MICAL3: variants seen among roughly 807,000 people sequenced by gnomAD.
The protein encoded by MICAL3 is microtubule associated monooxygenase, calponin and LIM domain containing 3, also known as [F-actin]-monooxygenase MICAL3.
Under a neutral mutation model 207.4 loss-of-function variants are expected in MICAL3, and 62 were observed. The observed-to-expected ratio is 0.30, with a 90% CI of 0.24 to 0.37. The LOEUF is 0.37. Among genes scored for constraint, MICAL3 ranks in the 10% least tolerant of loss-of-function variants. The pLI, the probability that MICAL3 is intolerant of heterozygous loss-of-function variation, is 1.00. For synonymous variants in MICAL3, 1,077 were observed against 1,069.3 expected, an observed-to-expected ratio of 1.01 and a Z score of -0.14; for missense variants, 2,368 against 2,635.6, an observed-to-expected ratio of 0.90 and a Z score of 2.22.
At chr22:17,945,016 T>G (rs915213155) in intron 1 of MICAL3, among the ~76,000 whole-genome samples, 15 of 151,814 alleles carry the variant, frequency 9.9e-5, no homozygotes, top group Admixed American at 2.0e-4. Flanking sequence ...ACCTTTTTTT[T>G]TTTTTTTTTC....
intron 27 of MICAL3, chr22:17,815,535 A>G (rs2062095703): frequency 6.6e-6 from 1 of 152,304 alleles, no homozygotes; most frequent in South Asian, 2.1e-4. Flanking sequence ...GCAACTGGGA[A>G]AGCTCGACTG....
In MICAL3 at chr22:17,900,991, C is replaced by T. The variant is rs770188717; in HGVS notation, c.698G>A (p.Arg233His). ...CAGTTTGCCACGGAATTCTTTCCGA[C>T]GAAACCCTGGAGGGAAATAAATTTT... ...DGRRNTLEGF[R>H]RKEFRGKLAI... Residue 233 changes from arginine to histidine, a missense_variant, in exon 6 of 32, where the codon CGT (arginine) becomes CAT (histidine). Around this residue, in one of 4 missense-constraint regions of MICAL3, gnomAD observed 400 missense variants for 547.0 expected, o/e 0.73. Transcript: ENST00000441493. This position sits in a 1 kb window ranked among gnomAD's most constrained non-coding sequence, Gnocchi z 4.0. The T allele has an allele frequency of 8.7e-6, 14 of 1,613,868 alleles. No individual in the cohort carries two copies. Among genetic ancestry groups the T allele is most frequent in the Admixed American group, 1.7e-5 (1 of 60,022 alleles).
intron 1 of MICAL3, among the ~76,000 whole-genome samples, chr22:17,938,793 C>T (rs904706541): frequency 6.6e-5 from 10 of 152,144 alleles, no homozygotes; most frequent in Non-Finnish European, 1.3e-4. Context: ...TCATTCAGCA[C>T]GTGCAGCAAA....
chr22:17,959,749 A>G lies in MICAL3; in HGVS notation c.-74-52863T>C, dbSNP rs190707328. On this transcript the variant is annotated intron_variant, in intron 1 of 31. Transcript: ENST00000441493. ...TTGTTAGTAAAGAATTAAGTAGGTT[A>G]GGGAAATAGATAGCTCTCCCTGCCC... Among the ~76,000 whole-genome samples, 8 of 152,302 alleles carry G rather than the reference A, an allele frequency of 5.3e-5. No homozygotes were observed. The East Asian group carries it at 1.5e-3, about 29-fold the overall frequency.
intron 1 of MICAL3, among the ~76,000 whole-genome samples, chr22:18,008,823 G>A (rs447488): frequency 0.18 from 27,466 of 151,428 alleles, 2,721 homozygotes; most frequent in Middle Eastern, 0.27. Flanking sequence ...CCGTAGTCCC[G>A]GCACTTTGGG....
chr22:18,015,813 A>T lies in MICAL3; in HGVS notation c.-75+8468T>A, dbSNP rs151309025. ...GTTCCTTTTATCAAAAGTATTTTCC[A>T]TGTTTCTTTCTACATGCCTCTTGAT... On this transcript the variant is annotated intron_variant, in intron 1 of 31. Coordinates refer to ENST00000441493, the MANE Select transcript of MICAL3 (RefSeq NM_015241.3). 5.8e-4 allele frequency among the ~76,000 whole-genome samples: 88 copies of T among 152,168 alleles called. 1 individual carries two copies. In the East Asian group the frequency reaches 0.016, roughly 27 times the overall value.
chr22:17,955,456 G>A (rs557878973), intron 1 of MICAL3, among the ~76,000 whole-genome samples: 2 of 152,320 alleles, frequency 1.3e-5, no homozygotes, highest in South Asian at 2.1e-4. Context: ...AGGAGGGGAT[G>A]TAGCTATCAG....
rs145356624 is a variant in MICAL3, at chr22:17,827,505, C to T, written c.3193+139G>A. Reference sequence around the variant, plus strand: ...AAAGTACAGGTGTCACAACTGACAGCAGCAAAGCGGGATGCGCCTGGCTCC... The same window carrying T: ...AAAGTACAGGTGTCACAACTGACAGTAGCAAAGCGGGATGCGCCTGGCTCC... On this transcript the variant is annotated intron_variant, in intron 22 of 31. Transcript: ENST00000441493. 2.8e-4 allele frequency: 228 copies of T among 826,288 alleles called. No homozygotes were observed. In the African/African-American group the frequency reaches 3.5e-3, roughly 13 times the overall value. The allele number at this position is 826,288 out of a possible 1,614,324, so 51.2% of individuals were successfully genotyped here.
At chr22:17,998,795 C>T (rs970018559) in intron 1 of MICAL3, among the ~76,000 whole-genome samples, 5 of 151,994 alleles carry the variant, frequency 3.3e-5, no homozygotes, top group African/African-American at 1.2e-4. Context: ...CCTCGTGATC[C>T]GCCCGCCTGG....
Position 17,954,838 on chromosome 22 carries a change from C to A in MICAL3, c.-74-47952G>T, listed in dbSNP as rs141217089. ...CTCAGCTCACAGCAACCTCGCCCTC[C>A]CGGGTTCAAGCAATTTCTGGGATTA... On this transcript the variant is annotated intron_variant, in intron 1 of 31. Transcript: ENST00000441493. Among the ~76,000 whole-genome samples the A allele has an allele frequency of 5.1e-4, 77 of 152,128 alleles. 1 individual carries two copies. In the East Asian group the frequency reaches 0.012, roughly 23 times the overall value.
chr22:17,804,531 C>T (rs1427736252), intron 29 of MICAL3, among the ~76,000 whole-genome samples: 3 of 152,236 alleles, frequency 2.0e-5, no homozygotes, highest in South Asian at 2.1e-4. Context: ...CCCAGGCACT[C>T]GGCCGAAGGC....
intron 1 of MICAL3, among the ~76,000 whole-genome samples, chr22:18,020,839 G>A (rs1427448407): frequency 1.3e-5 from 2 of 151,544 alleles, no homozygotes; most frequent in Non-Finnish European, 2.9e-5. Flanking sequence ...ACTTGAACCT[G>A]GGAAGCGGAG....
At chr22:17,996,530 G>A (rs1353708736) in intron 1 of MICAL3, among the ~76,000 whole-genome samples, 1 of 151,878 alleles carries the variant, frequency 6.6e-6, no homozygotes, top group African/African-American at 2.4e-5. Context: ...TGTCTTTATA[G>A]CTAGAGATGA....
rs1331841054 is a variant in MICAL3, at chr22:17,976,575, A to G, written c.-75+47706T>C. On this transcript the variant is annotated intron_variant, in intron 1 of 31. Transcript: ENST00000441493. ...TGTGTGTGTGTGTATATATATATAT[A>G]TATATATATATATATTTTTTTTTTT... Among the ~76,000 whole-genome samples the G allele has an allele frequency of 9.6e-3, 857 of 89,064 alleles. 11 individuals are homozygous for G. The highest frequency in any genetic ancestry group is 0.049 in the African/African-American group (818 of 16,676). The allele number at this position is 89,064 out of a possible 152,430, so 58.4% of individuals were successfully genotyped here. A position where few individuals can be genotyped will look rare whatever the true frequency, so the allele number is the denominator to read the frequency against.
chr22:17,934,274 T>C (rs1933410690), intron 1 of MICAL3, among the ~76,000 whole-genome samples: 1 of 152,220 alleles, frequency 6.6e-6, no homozygotes, highest in South Asian at 2.1e-4. Context: ...CAAGTCAGCT[T>C]CATTCCTAGG....
intron 29 of MICAL3, among the ~76,000 whole-genome samples, chr22:17,799,045 A>T (rs748578895): frequency 7.9e-5 from 12 of 152,144 alleles, no homozygotes; most frequent in Non-Finnish European, 1.8e-4. Flanking sequence ...TGGGAAACAC[A>T]AGGGGAATTA....
chr22:17,851,356 T>C (rs1346281306), intron 19 of MICAL3, among the ~76,000 whole-genome samples: 2 of 152,172 alleles, frequency 1.3e-5, no homozygotes, highest in Non-Finnish European at 2.9e-5. Flanking sequence ...CTTGACACCC[T>C]TGAAGGGCTT....
chr22:17,820,110 G>A (rs1252997766), intron 25 of MICAL3, among the ~76,000 whole-genome samples: 1 of 148,302 alleles, frequency 6.7e-6, no homozygotes, highest in Admixed American at 6.7e-5. Flanking sequence ...TATTGCCCAT[G>A]CCAGTCTGGG....
intron 19 of MICAL3, among the ~76,000 whole-genome samples, chr22:17,851,807 T>C (rs5992124): frequency 0.073 from 11,165 of 152,270 alleles, 737 homozygotes; most frequent in African/African-American, 0.17. Flanking sequence ...GAAAAGAGAC[T>C]ACCTCGAATG....
Sources: gnomAD v4.1 joint callset for allele counts (sites outside exome capture counted in the v4.1 genomes callset) on GRCh38, gnomAD v4.1.1 for gene constraint, gnomAD v4.1.1 regional missense constraint, Gnocchi (gnomAD v3.1) non-coding constraint, MANE v1.5 for transcripts, NCBI Gene and HGNC (gene_info 2026-07-23, HGNC 2026-07-21) for gene names.